Variants in DNM1L observed in about 807,000 individuals in gnomAD.
DNM1L encodes the protein dynamin-1-like protein.
Under a neutral mutation model 92.8 loss-of-function variants are expected in DNM1L, and 33 were observed. The ratio of observed to expected loss-of-function variants is 0.36; its 90% CI spans 0.27 to 0.48. DNM1L has a LOEUF of 0.48. Among genes scored for constraint, DNM1L ranks in the 20% least tolerant of loss-of-function variants. DNM1L has a pLI of 0.99. For synonymous variants in DNM1L, 284 were observed against 305.0 expected (o/e 0.93, Z 0.72); for missense variants, 485 against 888.8 (o/e 0.55, Z 5.78).
At chr12:32,684,499 A>G (rs960605751) in intron 1 of DNM1L, among the ~76,000 whole-genome samples, 1 of 131,546 alleles carries the variant, frequency 7.6e-6, no homozygotes, top group Non-Finnish European at 1.7e-5. Context: ...CTTTTTTGAG[A>G]CAGAGTTTTG....
intron 1 of DNM1L, among the ~76,000 whole-genome samples, chr12:32,692,192 A>G (rs538557794): frequency 3.3e-5 from 5 of 152,340 alleles, no homozygotes; most frequent in Admixed American, 3.3e-4. Flanking sequence ...ATTCTATAGA[A>G]TAAGATTTAC....
At chr12:32,697,972 C>T (rs1234624704) in intron 1 of DNM1L, among the ~76,000 whole-genome samples, 1 of 148,570 alleles carries the variant, frequency 6.7e-6, no homozygotes, top group Non-Finnish European at 1.5e-5. Context: ...ATTTGAAAAT[C>T]AGAGAATTTG....
intron 16 of DNM1L, among the ~76,000 whole-genome samples, chr12:32,739,599 CAT>C (rs1288614979): frequency 8.5e-5 from 13 of 152,180 alleles, no homozygotes; most frequent in Non-Finnish European, 1.9e-4. Context: ...AATTGAGAAA[CAT>C]ATAAACTCTT....
intron 9 of DNM1L, among the ~76,000 whole-genome samples, chr12:32,724,891 G>GTTAA: frequency 6.6e-6 from 1 of 151,814 alleles, no homozygotes; most frequent in South Asian, 2.1e-4. Context: ...CCATGAGGTA[G>GTTAA]TTAAGTAAAC....
chr12:32,741,290 CAGA>C (rs1469567191), intron 18 of DNM1L, among the ~76,000 whole-genome samples: 7 of 152,136 alleles, frequency 4.6e-5, no homozygotes, highest in Non-Finnish European at 1.0e-4. Context: ...CCATCCTCTG[CAGA>C]AGGTGTTTTT....
At chr12:32,701,667 A>G in intron 2 of DNM1L, 105 bp downstream of exon 2, 1 of 1,050,920 alleles carries the variant, frequency 9.5e-7, no homozygotes, top group Non-Finnish European at 1.5e-6. Context: ...ACTGTAGCAT[A>G]GTTAGAAGTC....
In DNM1L at chr12:32,701,217, A is replaced by G. The variant is rs1976905; in HGVS notation, c.103-198A>G. On this transcript the variant is annotated intron_variant, in intron 1 of 19. Coordinates refer to ENST00000549701, the MANE Select transcript of DNM1L (RefSeq NM_012062.5). ...CTTGAACCCGGGAGGCGGAGGTTGC[A>G]GTGAGCCGAGATCGTGCCATTGCAC... 0.99 allele frequency among the ~76,000 whole-genome samples: 149,891 copies of G among 151,762 alleles called. 74,055 individuals carry two copies. The highest frequency in any genetic ancestry group is 1 in the Middle Eastern group (294 of 294).
chr12:32,683,221 T>C (rs1461570250), intron 1 of DNM1L, among the ~76,000 whole-genome samples: 1 of 152,120 alleles, frequency 6.6e-6, no homozygotes, highest in Non-Finnish European at 1.5e-5. Flanking sequence ...GGAAAAACAA[T>C]TTGGATTTTT....
At chr12:32,703,997 T>C (rs1952818038) in intron 2 of DNM1L, among the ~76,000 whole-genome samples, 2 of 152,312 alleles carry the variant, frequency 1.3e-5, no homozygotes, top group South Asian at 4.1e-4. Flanking sequence ...AACTATGTTT[T>C]AGAGTAGAGT....
rs1317173330 is a variant in DNM1L, at chr12:32,743,717, C to T, written c.*307C>T. On this transcript the variant is annotated 3_prime_UTR_variant, in exon 20 of 20. Coordinates refer to ENST00000549701, the MANE Select transcript of DNM1L (RefSeq NM_012062.5). ...GTTCTAGTTGTGCAAAGCAGTTTGC[C>T]TGTGGATAAGATGACCTGTGTAATA... 8.0e-6 allele frequency: 3 copies of T among 376,488 alleles called. No individual in the cohort carries two copies. Among genetic ancestry groups the T allele is most frequent in the Non-Finnish European group, 1.5e-5 (3 of 204,160 alleles). The allele number at this position is 376,488 out of a possible 1,614,324, so 23.3% of individuals were successfully genotyped here.
intron 1 of DNM1L, among the ~76,000 whole-genome samples, chr12:32,699,734 C>T (rs1952617817): frequency 7.5e-6 from 1 of 133,796 alleles, no homozygotes; most frequent in Admixed American, 9.6e-5. Context: ...GTAGAGGTTG[C>T]AGAGAGCCAA....
In DNM1L at chr12:32,731,635, A is replaced by T. The variant is rs1268650035; in HGVS notation, c.1356+124A>T. On this transcript the variant is annotated intron_variant, in intron 11 of 19. Transcript: ENST00000549701. This position sits in a 1 kb window ranked among gnomAD's most constrained non-coding sequence, Gnocchi z 5.1. The stretch of plus-strand genomic sequence containing the variant: ...GTAAAATCTGTAGTTCCCTTACCTG[A>T]AAGTGATTTGAAATAGGATTCTTAA... 1 of 1,269,058 alleles carries T rather than the reference A, an allele frequency of 7.9e-7. No individual in the cohort carries two copies. The highest frequency in any genetic ancestry group is 1.3e-5 in the South Asian group (1 of 78,222). 78.6% of individuals were successfully genotyped at this position (1,269,058 alleles called of 1,614,324 possible).
At chr12:32,715,041 C>G (rs1953300612) in intron 6 of DNM1L, among the ~76,000 whole-genome samples, 1 of 151,286 alleles carries the variant, frequency 6.6e-6, no homozygotes, top group Admixed American at 6.6e-5. Flanking sequence ...TGTATAAACT[C>G]TATTTTAAAC....
At position 32,717,921 on chromosome 12, in the gene DNM1L, G is replaced by C. The variant is rs1206899455; in HGVS notation, c.620-722G>C. Among the ~76,000 whole-genome samples, 456 of 74,144 alleles carry C rather than the reference G, an allele frequency of 6.2e-3. 16 individuals are homozygous for C. Among genetic ancestry groups the C allele is most frequent in the African/African-American group, 0.026 (426 of 16,616 alleles). The allele number at this position is 74,144 out of a possible 152,430, so 48.6% of individuals were successfully genotyped here. ...ATATATAGTATATATATAAAATATA[G>C]TATATATTTTATATATATATAAAAT... On this transcript the variant is annotated intron_variant, in intron 6 of 19. Coordinates refer to ENST00000549701, the MANE Select transcript of DNM1L (RefSeq NM_012062.5).
chr12:32,733,554 G>T, intron 12 of DNM1L, 161 bp from the exon 13 acceptor site: 2 of 638,058 alleles, frequency 3.1e-6, no homozygotes, highest in African/African-American at 1.8e-5. Context: ...TTATTGTTTG[G>T]CATAAGATTT....
rs868491931 is a variant in DNM1L at position 32,743,630 on chromosome 12, A to G, written c.*220A>G. ...TTTCTAAAGTTTCCCAGTATATATAAAATACATCAAGTCTGTCTTGTGACA... is the reference window on the plus strand; with the variant it reads ...TTTCTAAAGTTTCCCAGTATATATAGAATACATCAAGTCTGTCTTGTGACA... On this transcript the variant is annotated 3_prime_UTR_variant, in exon 20 of 20. Transcript: ENST00000549701. 1.8e-6 allele frequency: 1 copy of G among 555,022 alleles called. No homozygotes were observed. Among genetic ancestry groups the G allele is most frequent in the East Asian group, 3.0e-5 (1 of 33,442 alleles). 34.4% of individuals were successfully genotyped at this position (555,022 alleles called of 1,614,324 possible). A position where few individuals can be genotyped will look rare whatever the true frequency, so the allele number is the denominator to read the frequency against.
At chr12:32,721,761 G>C (rs1185444979) in intron 8 of DNM1L, among the ~76,000 whole-genome samples, 1 of 152,134 alleles carries the variant, frequency 6.6e-6, no homozygotes, top group Non-Finnish European at 1.5e-5. Flanking sequence ...GATGCCAGTT[G>C]TAAGCACAGG....
chr12:32,722,205 A>G (rs1285803564), intron 8 of DNM1L, among the ~76,000 whole-genome samples: 2 of 152,204 alleles, frequency 1.3e-5, no homozygotes, highest in African/African-American at 4.8e-5. Flanking sequence ...TCTCATTAGC[A>G]TGCAGAGACA....
chr12:32,741,262 T>G (rs1007381605), intron 18 of DNM1L, among the ~76,000 whole-genome samples: 8 of 152,208 alleles, frequency 5.3e-5, no homozygotes, highest in Non-Finnish European at 2.9e-5. Flanking sequence ...AAAATTCCAT[T>G]TGTTTCCTTC....
Sources: gnomAD v4.1 joint callset for allele counts (sites outside exome capture counted in the v4.1 genomes callset) on GRCh38, gnomAD v4.1.1 for gene constraint, Gnocchi (gnomAD v3.1) non-coding constraint, MANE v1.5 for transcripts, NCBI Gene and HGNC (gene_info 2026-07-23, HGNC 2026-07-21) for gene names.